Variants in UNC5D observed in about 807,000 individuals in gnomAD.
The protein encoded by UNC5D is netrin receptor UNC5D.
A neutral mutation model predicts 105.4 loss-of-function variants in UNC5D; 39 were observed. That is an observed-to-expected ratio of 0.37 (90% CI 0.29 to 0.48). UNC5D has a LOEUF of 0.48. Ranked by LOEUF, UNC5D falls within the 20% of genes least tolerant of loss-of-function variation. The pLI, the probability that UNC5D is intolerant of heterozygous loss-of-function variation, is 0.98. For missense variants in UNC5D, 991 were observed against 1,202.4 expected, an observed-to-expected ratio of 0.82 and a Z score of 2.60; for synonymous variants, 452 against 450.4, an observed-to-expected ratio of 1.00 and a Z score of -0.04.
At chr8:35,599,334 A>G (rs1324982046) in intron 4 of UNC5D, among the ~76,000 whole-genome samples, 1 of 152,104 alleles carries the variant, frequency 6.6e-6, no homozygotes, top group Non-Finnish European at 1.5e-5. Context: ...AATGTATTGT[A>G]TTCTTTAAAA....
intron 3 of UNC5D, among the ~76,000 whole-genome samples, chr8:35,575,601 T>C (rs1284143905): frequency 1.3e-5 from 2 of 152,180 alleles, no homozygotes; most frequent in African/African-American, 4.8e-5. Context: ...GCTCCCTTCC[T>C]ATCTGTTCAG....
chr8:35,284,589 C>A (rs1969543), intron 1 of UNC5D, among the ~76,000 whole-genome samples: 124,613 of 152,006 alleles, frequency 0.82, 51,541 homozygotes, highest in East Asian at 1. Context: ...GAGTCTCACT[C>A]TGTCGCCCAG....
At position 35,748,567 on chromosome 8, in the gene UNC5D, G is replaced by A. The variant is rs1353246777; in HGVS notation, c.1807G>A (p.Val603Ile). The change falls in exon 12 of 17, where the codon GTC becomes ATC. Residue 603 changes from valine (V) to isoleucine (I), a missense_variant. By Grantham distance (29) the Val-to-Ile change is conservative. Coordinates refer to ENST00000404895, the MANE Select transcript of UNC5D (RefSeq NM_080872.4). ...DGSEVLLSPE[V>I]TCGPPDMIVT... ...CTCTGAGGTGCTCCTGAGTCCTGAA[G>A]TCACCTGTGGTCCTCCAGACATGAT... 1.2e-6 allele frequency: 2 copies of A among 1,613,908 alleles called. No homozygotes were observed. Among genetic ancestry groups the A allele is most frequent in the Admixed American group, 1.7e-5 (1 of 59,994 alleles).
At chr8:35,274,510 T>C (rs1050861894) in intron 1 of UNC5D, among the ~76,000 whole-genome samples, 73 of 152,332 alleles carry the variant, frequency 4.8e-4, no homozygotes, top group African/African-American at 1.7e-3. Context: ...TGTGCACATG[T>C]GTCCAGCCTA....
chr8:35,271,304 T>C (rs1805278305), intron 1 of UNC5D, among the ~76,000 whole-genome samples: 1 of 120,918 alleles, frequency 8.3e-6, no homozygotes, highest in South Asian at 2.4e-4. Flanking sequence ...TATACACACA[T>C]GCACGTGTGT....
chr8:35,464,482 G>A (rs748843232), intron 1 of UNC5D, among the ~76,000 whole-genome samples: 1 of 152,170 alleles, frequency 6.6e-6, no homozygotes, highest in Admixed American at 6.5e-5. Flanking sequence ...TGAGTGCCCA[G>A]GTTATTTGTA....
intron 11 of UNC5D, among the ~76,000 whole-genome samples, chr8:35,736,142 C>G (rs1036911365): frequency 6.6e-6 from 1 of 152,124 alleles, no homozygotes; most frequent in Non-Finnish European, 1.5e-5. Flanking sequence ...CTCCTTCTGC[C>G]AAGCCCAGGA....
chr8:35,322,598 TG>T lies in UNC5D; in HGVS notation c.103+86712del, dbSNP rs1357454945. Among the ~76,000 whole-genome samples the T allele has an allele frequency of 3.3e-5, 5 of 152,206 alleles. No individual in the cohort carries two copies. The East Asian group carries it at 5.8e-4, about 18-fold the overall frequency. On this transcript the variant is annotated intron_variant, in intron 1 of 16. Coordinates refer to ENST00000404895, the MANE Select transcript of UNC5D (RefSeq NM_080872.4). ...TGTGCTTTCAGCCCTGCTCTGACCCTGTCTTCTCAAGAGGATTTAATAATGA... is the reference window on the plus strand; with the variant it reads ...TGTGCTTTCAGCCCTGCTCTGACCCTTCTTCTCAAGAGGATTTAATAATGA...
intron 4 of UNC5D, among the ~76,000 whole-genome samples, chr8:35,598,988 C>A (rs1424905448): frequency 6.6e-6 from 1 of 151,598 alleles, no homozygotes; most frequent in African/African-American, 2.4e-5. Context: ...ACTAAAAACA[C>A]AAAAATTAGC....
intron 2 of UNC5D, among the ~76,000 whole-genome samples, chr8:35,555,899 A>G (rs1034600195): frequency 0.01 from 1,496 of 149,376 alleles, 27 homozygotes; most frequent in African/African-American, 0.025. Context: ...ACACACACAC[A>G]CACACACACA....
intron 7 of UNC5D, among the ~76,000 whole-genome samples, chr8:35,696,967 C>T (rs1441831910): frequency 6.6e-6 from 1 of 152,016 alleles, no homozygotes; most frequent in Non-Finnish European, 1.5e-5. Flanking sequence ...AATCAGGAGT[C>T]CTAGGTCCCA....
chr8:35,544,892 A>G (rs1295539029), intron 1 of UNC5D, among the ~76,000 whole-genome samples: 1 of 152,132 alleles, frequency 6.6e-6, no homozygotes, highest in Non-Finnish European at 1.5e-5. Flanking sequence ...CATGAGCCAC[A>G]GCACCTGGTC....
Position 35,587,283 on chromosome 8 carries a change from A to AACAC in UNC5D, c.467-8253_467-8250dup, listed in dbSNP as rs35992580. Among the ~76,000 whole-genome samples the AACAC allele has an allele frequency of 2.7e-3, 401 of 150,196 alleles. 1 individual carries two copies. Among genetic ancestry groups the AACAC allele is most frequent in the African/African-American group, 8.5e-3 (351 of 41,084 alleles). On this transcript the variant is annotated intron_variant, in intron 3 of 16. Transcript: ENST00000404895. Reference sequence around the variant, plus strand: ...TCTGTGCTGATGATTGTACCATTCAAACACACACACACACACACACAATGT... The same window carrying AACAC: ...TCTGTGCTGATGATTGTACCATTCAAACACACACACACACACACACACACAATGT...
intron 1 of UNC5D, among the ~76,000 whole-genome samples, chr8:35,249,446 T>C (rs1176458447): frequency 2.0e-5 from 3 of 150,788 alleles, no homozygotes. Flanking sequence ...TAATCCCGGC[T>C]ACTCGGGAGG....
At chr8:35,754,672 G>C (rs1034506081) in intron 13 of UNC5D, among the ~76,000 whole-genome samples, 1 of 152,140 alleles carries the variant, frequency 6.6e-6, no homozygotes, top group African/African-American at 2.4e-5. Context: ...GAGAATTTCA[G>C]TATCTAAATA....
chr8:35,748,070 G>A (rs987492632), intron 11 of UNC5D, among the ~76,000 whole-genome samples: 5 of 152,146 alleles, frequency 3.3e-5, no homozygotes, highest in Admixed American at 2.6e-4. Flanking sequence ...ATAATAATTT[G>A]CTTTATCATT....
In UNC5D at chr8:35,265,694, C is replaced by A. The variant is rs796304728; in HGVS notation, c.103+29807C>A. On this transcript the variant is annotated intron_variant, in intron 1 of 16. Transcript: ENST00000404895. ...GACCGTCCTAGCTAACATGGTGAAA[C>A]CTCTTCTCTACTAAAAATACAAAAA... Among the ~76,000 whole-genome samples, 5 of 152,006 alleles carry A rather than the reference C, an allele frequency of 3.3e-5. No homozygotes were observed. In the East Asian group the frequency reaches 5.8e-4, roughly 18 times the overall value.
chr8:35,647,388 T>TTG (rs10630575), intron 4 of UNC5D, among the ~76,000 whole-genome samples: 87,196 of 147,292 alleles, frequency 0.59, 25,368 homozygotes, highest in Middle Eastern at 0.68. Flanking sequence ...TCCTGTGTAT[T>TTG]TGTGTGTGTG....
At chr8:35,441,501 G>A (rs191492440) in intron 1 of UNC5D, among the ~76,000 whole-genome samples, 92 of 151,864 alleles carry the variant, frequency 6.1e-4, no homozygotes, top group Admixed American at 1.3e-3. Flanking sequence ...GTAGATAAGG[G>A]TGACTACTGT....
Sources: allele counts gnomAD v4.1 joint callset (sites outside exome capture counted in the v4.1 genomes callset), GRCh38; gene constraint gnomAD v4.1.1; transcripts MANE v1.5; gene names NCBI Gene and HGNC (gene_info 2026-07-23, HGNC 2026-07-21).